Variants in NIPSNAP2 observed in about 807,000 individuals in gnomAD.
NIPSNAP2 encodes the protein protein NipSnap homolog 2.
Under a neutral mutation model 48.4 loss-of-function variants are expected in NIPSNAP2, and 42 were observed. The observed-to-expected ratio is 0.87, with a 90% confidence interval of 0.68 to 1.12. The LOEUF (loss-of-function observed/expected upper bound fraction) is 1.12, where lower values mean the gene tolerates loss of function less well. Ranked by LOEUF, NIPSNAP2 falls within the 50% of genes most tolerant of loss-of-function variation. The probability of loss-of-function intolerance (pLI) is 0.00; values close to 1 mark genes in which losing one functional copy is unlikely to be tolerated. For synonymous variants in NIPSNAP2, 158 were observed against 126.6 expected, an observed-to-expected ratio of 1.25 and a Z score of -1.67; for missense variants, 314 against 347.3, an observed-to-expected ratio of 0.90 and a Z score of 0.76.
intron 3 of NIPSNAP2, 67 bp from the exon 4 acceptor site, chr7:55,981,406 C>A: frequency 9.5e-7 from 1 of 1,052,684 alleles, no homozygotes; most frequent in Non-Finnish European, 1.5e-6. Flanking sequence ...TGTTACTGAT[C>A]AGGTGCTGTC....
At chr7:55,982,477 G>A (rs66741911) in intron 5 of NIPSNAP2, among the ~76,000 whole-genome samples, 197 bp downstream of exon 5, 22,992 of 152,084 alleles carry the variant, frequency 0.15, 1,877 homozygotes, top group Non-Finnish European at 0.18. Context: ...GACCGGGCGC[G>A]GTGGCTCACG....
intron 1 of NIPSNAP2, among the ~76,000 whole-genome samples, chr7:55,972,096 A>G (rs1182875202): frequency 6.6e-6 from 1 of 152,124 alleles, no homozygotes; most frequent in Non-Finnish European, 1.5e-5. Flanking sequence ...ACCTGAGGTC[A>G]GGGGTTCAAG....
Position 56,000,157 on chromosome 7 carries a change from A to G in NIPSNAP2, c.*1085A>G, listed in dbSNP as rs777997733. 6 of 152,536 alleles carry G rather than the reference A, an allele frequency of 3.9e-5. No individual in the cohort carries two copies. Among genetic ancestry groups the G allele is most frequent in the Non-Finnish European group, 5.9e-5 (4 of 68,040 alleles). The allele number at this position is 152,536 out of a possible 1,614,324, so 9.4% of individuals were successfully genotyped here. A position where few individuals can be genotyped will look rare whatever the true frequency, so the allele number is the denominator to read the frequency against. On this transcript the variant is annotated 3_prime_UTR_variant, in exon 10 of 10. Transcript: ENST00000322090. ...TTTCTCAAAGAACATAGAAAAGTCA[A>G]TAAAATCCTCTTAATTTCCACATAT... is the stretch of plus-strand genomic sequence containing the variant.
chr7:55,989,643 A>C (rs1242339945), intron 7 of NIPSNAP2, among the ~76,000 whole-genome samples: 3 of 151,726 alleles, frequency 2.0e-5, no homozygotes, highest in Non-Finnish European at 4.4e-5. Context: ...CTCAATAATT[A>C]AGAGGGATGC....
chr7:55,973,617 G>A (rs2116336585), intron 1 of NIPSNAP2, among the ~76,000 whole-genome samples: 1 of 151,958 alleles, frequency 6.6e-6, no homozygotes, highest in South Asian at 2.1e-4. Flanking sequence ...TGGGATCACA[G>A]GCGTGTGCCA....
rs142618018 is a variant in NIPSNAP2, at chr7:55,967,559, C to T, written c.92+2858C>T. Among the ~76,000 whole-genome samples the T allele has an allele frequency of 3.6e-3, 549 of 151,860 alleles. 4 individuals are homozygous for T. Among genetic ancestry groups the T allele is most frequent in the African/African-American group, 0.012 (489 of 41,424 alleles). ...ACGGCTCACTGCAGCCTTGACCTTC[C>T]GGACTTAAGGGATCTTCCCACCTCA... On this transcript the variant is annotated intron_variant, in intron 1 of 9. Coordinates refer to ENST00000322090, the MANE Select transcript of NIPSNAP2 (RefSeq NM_001483.3).
chr7:55,980,013 C>G (rs1353597853), intron 3 of NIPSNAP2: 2 of 372,012 alleles, frequency 5.4e-6, no homozygotes, highest in African/African-American at 4.2e-5. Flanking sequence ...TGGACCCCAC[C>G]TGAATCATGT....
intron 9 of NIPSNAP2, among the ~76,000 whole-genome samples, chr7:55,998,055 C>T (rs1404534259): frequency 6.6e-6 from 1 of 152,146 alleles, no homozygotes; most frequent in Non-Finnish European, 1.5e-5. Context: ...CGCAGTGGCT[C>T]ACGCCTGTAA....
chr7:55,968,954 A>T (rs1472058594), intron 1 of NIPSNAP2, among the ~76,000 whole-genome samples: 1 of 151,948 alleles, frequency 6.6e-6, no homozygotes, highest in Non-Finnish European at 1.5e-5. Flanking sequence ...GGCTGAAGCA[A>T]GGTAATTGCT....
chr7:55,983,130 C>A (rs1787255633), intron 5 of NIPSNAP2, among the ~76,000 whole-genome samples: 1 of 151,672 alleles, frequency 6.6e-6, no homozygotes, highest in South Asian at 2.1e-4. Context: ...CTCAAAAAAA[C>A]AACACAAAAA....
At chr7:55,986,806 CAAT>C (rs993651993) in intron 7 of NIPSNAP2, among the ~76,000 whole-genome samples, 1 of 151,650 alleles carries the variant, frequency 6.6e-6, no homozygotes, top group Non-Finnish European at 1.5e-5. Flanking sequence ...TCTTACAACT[CAAT>C]AATAAGAATA....
rs79569271 is a variant in NIPSNAP2 at position 55,997,127 on chromosome 7, C to T, written c.713-239C>T. On this transcript the variant is annotated intron_variant, in intron 8 of 9. Coordinates refer to ENST00000322090, the MANE Select transcript of NIPSNAP2 (RefSeq NM_001483.3). ...TGAAACATCATCGTGCCATTGCGCT[C>T]CAGGCTGGTTGACAGAGTGACCTTG... is the stretch of plus-strand genomic sequence containing the variant. 5.9e-3 allele frequency among the ~76,000 whole-genome samples: 898 copies of T among 151,340 alleles called. 8 individuals are homozygous for T. Among genetic ancestry groups the T allele is most frequent in the South Asian group, 0.011 (54 of 4,774 alleles).
At chr7:55,995,111 G>C in intron 8 of NIPSNAP2, 123 bp downstream of exon 8, 1 of 784,604 alleles carries the variant, frequency 1.3e-6, no homozygotes, top group Non-Finnish European at 2.2e-6. Flanking sequence ...CGTCACAGAG[G>C]GACAGTCTGT....
chr7:55,982,170 G>T (rs1364068746), intron 4 of NIPSNAP2, 40 bp from the exon 5 acceptor site: 9 of 1,323,968 alleles, frequency 6.8e-6, no homozygotes, highest in Non-Finnish European at 9.8e-6. Context: ...GTAGTATCAT[G>T]AAATTCTAAA....
intron 7 of NIPSNAP2, among the ~76,000 whole-genome samples, chr7:55,985,958 G>T (rs1787320735): frequency 6.6e-6 from 1 of 152,050 alleles, no homozygotes; most frequent in African/African-American, 2.4e-5. Flanking sequence ...TGAGGCAGGA[G>T]AATTGCTTGA....
At chr7:55,967,069 A>G (rs920073777) in intron 1 of NIPSNAP2, among the ~76,000 whole-genome samples, 2 of 152,272 alleles carry the variant, frequency 1.3e-5, no homozygotes, top group Non-Finnish European at 1.5e-5. Flanking sequence ...CTGCCTGTAC[A>G]TTAGCCAGCG....
intron 1 of NIPSNAP2, 88 bp downstream of exon 1, chr7:55,964,789 C>G: frequency 1.6e-6 from 1 of 620,152 alleles, no homozygotes; most frequent in Non-Finnish European, 2.1e-6. Context: ...GTCTCCGCCC[C>G]GGCCCTGTCC....
Position 55,964,732 on chromosome 7 carries a change from C to A in NIPSNAP2, c.92+31C>A, listed in dbSNP as rs1391456375. 2.8e-6 allele frequency: 3 copies of A among 1,057,054 alleles called. No individual in the cohort carries two copies. The African/African-American group carries it at 5.1e-5, about 18-fold the overall frequency. The allele number at this position is 1,057,054 out of a possible 1,614,324, so 65.5% of individuals were successfully genotyped here. A position where few individuals can be genotyped will look rare whatever the true frequency, so the allele number is the denominator to read the frequency against. On this transcript the variant is annotated intron_variant, in intron 1 of 9. Transcript: ENST00000322090. ...CAGCGCCGCCCTTCCCGGGAGGTGC[C>A]GGGGAGGGGCCGCCGCGAGGCGGAG...
chr7:55,994,809 C>G, intron 7 of NIPSNAP2, 85 bp from the exon 8 acceptor site: 1 of 1,108,678 alleles, frequency 9.0e-7, no homozygotes, highest in Non-Finnish European at 1.4e-6. Context: ...ACAGCCTGCC[C>G]TGAGTATGGT....
Sources: gnomAD v4.1 joint callset for allele counts (sites outside exome capture counted in the v4.1 genomes callset) on GRCh38, gnomAD v4.1.1 for gene constraint, MANE v1.5 for transcripts, NCBI Gene and HGNC (gene_info 2026-07-23, HGNC 2026-07-21) for gene names.